The following AKAP6 variants were observed in gnomAD, a reference collection of about 807,000 sequenced individuals.
AKAP6 encodes the protein A-kinase anchor protein 6.
AKAP6 carries 58 observed loss-of-function variants against 188.5 expected under a neutral mutation model. That is an observed-to-expected ratio of 0.31 (90% CI 0.25 to 0.38). The LOEUF (loss-of-function observed/expected upper bound fraction) is 0.38. Among genes scored for constraint, AKAP6 ranks in the 10% least tolerant of loss-of-function variants. The pLI is 1.00. For missense variants in AKAP6, 2,710 were observed against 2,740.0 expected, an observed-to-expected ratio of 0.99 and a Z score of 0.24; for synonymous variants, 989 against 998.6, an observed-to-expected ratio of 0.99 and a Z score of 0.18.
At chr14:32,552,908 A>T (rs1381866365) in intron 4 of AKAP6, among the ~76,000 whole-genome samples, 1 of 152,126 alleles carries the variant, frequency 6.6e-6, no homozygotes. Flanking sequence ...TCCTGCTTCT[A>T]ATTCCACTTC....
At chr14:32,777,515 T>G (rs2033104800) in intron 12 of AKAP6, among the ~76,000 whole-genome samples, 1 of 152,090 alleles carries the variant, frequency 6.6e-6, no homozygotes, top group Non-Finnish European at 1.5e-5. Context: ...AATCACATTA[T>G]AAAGAGGAAA....
chr14:32,331,899 A>G (rs1020105677), intron 1 of AKAP6, among the ~76,000 whole-genome samples: 1 of 152,144 alleles, frequency 6.6e-6, no homozygotes, highest in African/African-American at 2.4e-5. Context: ...TCACAAATAC[A>G]TTACAAAGTT....
chr14:32,425,456 G>A (rs1159975155), intron 1 of AKAP6, among the ~76,000 whole-genome samples: 2 of 152,048 alleles, frequency 1.3e-5, no homozygotes, highest in Non-Finnish European at 1.5e-5. Flanking sequence ...CAGGTGTGGT[G>A]GTGTGTGCCT....
rs576367759 is a variant in AKAP6 at position 32,479,638 on chromosome 14, C to T, written c.324+45821C>T. Reference sequence around the variant, plus strand: ...TTTGCTATGGTATGAATGTTTGTGTCCCCCTACAAATTTATATGTTGAAAT... The same window carrying T: ...TTTGCTATGGTATGAATGTTTGTGTTCCCCTACAAATTTATATGTTGAAAT... On this transcript the variant is annotated intron_variant, in intron 2 of 13. Transcript: ENST00000280979. Among the ~76,000 whole-genome samples the T allele has an allele frequency of 3.1e-3, 478 of 152,160 alleles. 3 individuals are homozygous for T. The highest frequency in any genetic ancestry group is 0.011 in the African/African-American group (461 of 41,520).
At chr14:32,697,623 C>T (rs1890458251) in intron 9 of AKAP6, among the ~76,000 whole-genome samples, 1 of 152,090 alleles carries the variant, frequency 6.6e-6, no homozygotes, top group South Asian at 2.1e-4. Context: ...TAACCATAAG[C>T]CATTATCTCG....
rs539047332 is a variant in AKAP6, at chr14:32,751,961, T to A, written c.3372+16079T>A. On this transcript the variant is annotated intron_variant, in intron 11 of 13. Transcript: ENST00000280979. ...TTTTGGTATTAACTTATTTCAGTAT[T>A]GTTCTGAGTCTTCAAATTGGGCCCT... 7.9e-4 allele frequency among the ~76,000 whole-genome samples: 121 copies of A among 152,354 alleles called. 2 individuals are homozygous for A. Among genetic ancestry groups the A allele is most frequent in the Admixed American group, 4.5e-3 (69 of 15,306 alleles).
chr14:32,471,461 C>T (rs557306358), intron 2 of AKAP6, among the ~76,000 whole-genome samples: 1 of 152,346 alleles, frequency 6.6e-6, no homozygotes, highest in East Asian at 1.9e-4. Flanking sequence ...ACTTCCTAAA[C>T]TGTGAATTAG....
intron 12 of AKAP6, among the ~76,000 whole-genome samples, chr14:32,778,383 G>A (rs2140008555): frequency 6.6e-6 from 1 of 151,910 alleles, no homozygotes; most frequent in African/African-American, 2.4e-5. Context: ...AACATATGTA[G>A]AAGTCAAACG....
At chr14:32,804,476 G>T (rs2034036606) in intron 12 of AKAP6, among the ~76,000 whole-genome samples, 1 of 152,104 alleles carries the variant, frequency 6.6e-6, no homozygotes, top group Non-Finnish European at 1.5e-5. Flanking sequence ...GTAAAACAGG[G>T]AGTAGGTACA....
chr14:32,825,432 T>C (rs1285408613), intron 13 of AKAP6, among the ~76,000 whole-genome samples: 1 of 152,162 alleles, frequency 6.6e-6, no homozygotes, highest in Admixed American at 6.5e-5. Context: ...CACATACAGA[T>C]TGAGAACAGG....
chr14:32,788,373 A>G (rs1011685742), intron 12 of AKAP6, among the ~76,000 whole-genome samples: 2 of 152,242 alleles, frequency 1.3e-5, no homozygotes, highest in East Asian at 1.9e-4. Context: ...AAGATGGCCA[A>G]TTAGAAGCAG....
intron 8 of AKAP6, among the ~76,000 whole-genome samples, chr14:32,685,724 C>CAAAAAAA (rs71115091): frequency 1.2e-5 from 1 of 86,234 alleles, no homozygotes; most frequent in East Asian, 3.0e-4. Flanking sequence ...GACTCCATCT[C>CAAAAAAA]AAAAAAAAAA....
chr14:32,712,046 A>T (rs908953647), intron 9 of AKAP6, among the ~76,000 whole-genome samples: 2 of 152,056 alleles, frequency 1.3e-5, no homozygotes, highest in African/African-American at 4.8e-5. Flanking sequence ...ACAGGCTAAA[A>T]GAACAAACTC....
intron 9 of AKAP6, among the ~76,000 whole-genome samples, chr14:32,715,133 A>G (rs957197092): frequency 1.3e-5 from 2 of 152,022 alleles, no homozygotes; most frequent in East Asian, 3.9e-4. Flanking sequence ...ATTGGCGTCA[A>G]ATTCAACTAA....
intron 1 of AKAP6, among the ~76,000 whole-genome samples, chr14:32,391,476 G>A (rs1888712886): frequency 6.6e-6 from 1 of 152,148 alleles, no homozygotes; most frequent in Non-Finnish European, 1.5e-5. Context: ...TGAAAATCCA[G>A]TATATTAAGA....
chr14:32,425,047 G>A (rs1478324429), intron 1 of AKAP6, among the ~76,000 whole-genome samples: 1 of 152,100 alleles, frequency 6.6e-6, no homozygotes. Context: ...TCTGTCATTA[G>A]GTCTTTGAGG....
At chr14:32,472,407 A>G (rs540692947) in intron 2 of AKAP6, among the ~76,000 whole-genome samples, 2 of 152,288 alleles carry the variant, frequency 1.3e-5, no homozygotes, top group East Asian at 3.9e-4. Context: ...GAGGAGGGCA[A>G]GTATAAATGC....
chr14:32,351,733 G>C (rs1455156277), intron 1 of AKAP6, among the ~76,000 whole-genome samples: 1 of 152,048 alleles, frequency 6.6e-6, no homozygotes, highest in Non-Finnish European at 1.5e-5. Context: ...GAAGTTGTTA[G>C]TGATAGAAAT....
At chr14:32,353,977 G>A (rs1364866001) in intron 1 of AKAP6, among the ~76,000 whole-genome samples, 1 of 152,120 alleles carries the variant, frequency 6.6e-6, no homozygotes, top group Non-Finnish European at 1.5e-5. Context: ...ACAAATGGAA[G>A]AACATTCCAT....
Sources: allele counts gnomAD v4.1 joint callset (sites outside exome capture counted in the v4.1 genomes callset), GRCh38; gene constraint gnomAD v4.1.1; transcripts MANE v1.5; gene names NCBI Gene and HGNC (gene_info 2026-07-23, HGNC 2026-07-21).